The following WBP1L variants were observed in gnomAD, a reference collection of about 807,000 sequenced individuals.
The protein encoded by WBP1L is WW domain binding protein 1-like.
A neutral mutation model predicts 33.7 loss-of-function variants in WBP1L; 17 were observed. The observed-to-expected ratio is 0.50, with a 90% CI of 0.34 to 0.76. The LOEUF (loss-of-function observed/expected upper bound fraction) is 0.76. WBP1L is among the 30% of genes least tolerant of loss of function. The probability of loss-of-function intolerance (pLI) is 0.01; values close to 1 mark genes in which losing one functional copy is unlikely to be tolerated. For synonymous variants in WBP1L, 173 were observed against 190.8 expected (o/e 0.91, Z 0.77); for missense variants, 389 against 469.4 (o/e 0.83, Z 1.58).
rs116845028 is a variant in WBP1L, at chr10:102,778,716, G to A, written c.91-19277G>A. ...ATTTTCTGTCAGACAGTGTAACTATGTTCTTTATTGGAGCCATGTAGCCTT... is the reference window on the plus strand; with the variant it reads ...ATTTTCTGTCAGACAGTGTAACTATATTCTTTATTGGAGCCATGTAGCCTT... On this transcript the variant is annotated intron_variant, in intron 1 of 3. Coordinates refer to ENST00000448841, the MANE Select transcript of WBP1L (RefSeq NM_001083913.2). Among the ~76,000 whole-genome samples, 52 of 152,284 alleles carry A rather than the reference G, an allele frequency of 3.4e-4. 1 individual carries two copies. The East Asian group carries it at 9.8e-3, about 29-fold the overall frequency.
At chr10:102,752,539 C>G (rs1013943533) in intron 1 of WBP1L, among the ~76,000 whole-genome samples, 4 of 152,086 alleles carry the variant, frequency 2.6e-5, no homozygotes, top group Non-Finnish European at 4.4e-5. Context: ...CTTATTTACC[C>G]CATCTTGAAC....
intron 1 of WBP1L, among the ~76,000 whole-genome samples, chr10:102,760,654 C>T (rs1033965593): frequency 2.6e-5 from 4 of 152,024 alleles, no homozygotes; most frequent in Admixed American, 2.6e-4. Flanking sequence ...GGATTACAGG[C>T]GTGAGCCACC....
At chr10:102,754,548 G>C (rs2134027182) in intron 1 of WBP1L, among the ~76,000 whole-genome samples, 1 of 149,150 alleles carries the variant, frequency 6.7e-6, no homozygotes, top group East Asian at 2.0e-4. Context: ...ACAGGCATGT[G>C]CCACCATGCC....
At chr10:102,790,509 C>CTTTATT (rs1843480339) in intron 1 of WBP1L, among the ~76,000 whole-genome samples, 1 of 151,756 alleles carries the variant, frequency 6.6e-6, no homozygotes, top group African/African-American at 2.4e-5. Flanking sequence ...TTCAACAGAA[C>CTTTATT]TTTATTTTTA....
chr10:102,759,445 A>T (rs957413368), intron 1 of WBP1L, among the ~76,000 whole-genome samples: 13 of 152,194 alleles, frequency 8.5e-5, no homozygotes, highest in African/African-American at 3.1e-4. Flanking sequence ...TTGTATTATG[A>T]CTATTCTTAT....
chr10:102,751,035 CTG>C (rs1485521108), intron 1 of WBP1L, among the ~76,000 whole-genome samples: 17 of 152,238 alleles, frequency 1.1e-4, no homozygotes, highest in African/African-American at 4.1e-4. Flanking sequence ...GAGTCTCACT[CTG>C]TCACCCAGGC....
chr10:102,748,888 A>C (rs1342184986), intron 1 of WBP1L, among the ~76,000 whole-genome samples: 2 of 152,260 alleles, frequency 1.3e-5, no homozygotes, highest in East Asian at 3.8e-4. Flanking sequence ...AAAGGTTGAT[A>C]AGCATGGGTA....
intron 1 of WBP1L, among the ~76,000 whole-genome samples, chr10:102,797,349 G>A (rs183536395): frequency 2.0e-5 from 3 of 152,110 alleles, no homozygotes; most frequent in Non-Finnish European, 4.4e-5. Flanking sequence ...CCCTCCTACC[G>A]GCTGAGGTTA....
In WBP1L at chr10:102,769,356, C is replaced by CT. The variant is rs376863934; in HGVS notation, c.90+25216dup. 4.8e-3 allele frequency among the ~76,000 whole-genome samples: 640 copies of CT among 134,658 alleles called. 9 individuals carry two copies. The highest frequency in any genetic ancestry group is 9.8e-3 in the African/African-American group (375 of 38,340). The allele number at this position is 134,658 out of a possible 152,430, so 88.3% of individuals were successfully genotyped here. On this transcript the variant is annotated intron_variant, in intron 1 of 3. Coordinates refer to ENST00000448841, the MANE Select transcript of WBP1L (RefSeq NM_001083913.2). ...GCATCCCTTCTTTGTTTTCTTTTTT[C>CT]TTTCTTTTTTTTTTTTTTACTGGAA...
intron 1 of WBP1L, among the ~76,000 whole-genome samples, chr10:102,788,980 G>A (rs1843458946): frequency 6.6e-6 from 1 of 152,086 alleles, no homozygotes; most frequent in Non-Finnish European, 1.5e-5. Flanking sequence ...TTTTTACTGA[G>A]ACGGAGTCTT....
At chr10:102,803,792 T>G (rs1843692877) in intron 2 of WBP1L, 1 of 152,236 alleles carries the variant, frequency 6.6e-6, no homozygotes, top group Admixed American at 6.5e-5. Context: ...GTATTTTTAG[T>G]GGAGACGAGG....
At chr10:102,771,373 A>G (rs769079082) in intron 1 of WBP1L, among the ~76,000 whole-genome samples, 9 of 152,104 alleles carry the variant, frequency 5.9e-5, no homozygotes, top group Non-Finnish European at 1.2e-4. Context: ...CTTGGGTAAC[A>G]TAGCAAGACT....
At chr10:102,755,572 A>T (rs1842965316) in intron 1 of WBP1L, among the ~76,000 whole-genome samples, 1 of 149,956 alleles carries the variant, frequency 6.7e-6, no homozygotes, top group South Asian at 2.1e-4. Flanking sequence ...TTGTATTTTT[A>T]TTAGAGATCG....
In WBP1L at chr10:102,810,053, C is replaced by T. The variant is rs1354350234; in HGVS notation, c.354C>T (p.Phe118=). 1 of 1,608,814 alleles carries T rather than the reference C, an allele frequency of 6.2e-7. No homozygotes were observed. The highest frequency in any genetic ancestry group is 2.2e-5 in the East Asian group (1 of 44,878). ...ATTACTCAGCGCTGCCATTTTATTT[C>T]AGTACGTACACCCAAGCCCCCATAC... is the stretch of plus-strand genomic sequence containing the variant. ...AHNYSALPFY[F]RFLPNYLLPP... The change falls in exon 3 of 4, where the codon TTC becomes TTT. Residue 118 remains phenylalanine, a splice_region_variant and synonymous_variant. Transcript: ENST00000448841.
chr10:102,790,559 G>A (rs1325970134), intron 1 of WBP1L, among the ~76,000 whole-genome samples: 1 of 152,034 alleles, frequency 6.6e-6, no homozygotes, highest in Admixed American at 6.6e-5. Flanking sequence ...CGCCCAGGCT[G>A]GAGTACAATG....
chr10:102,769,558 C>T (rs1269167916), intron 1 of WBP1L, among the ~76,000 whole-genome samples: 1 of 152,160 alleles, frequency 6.6e-6, no homozygotes, highest in Non-Finnish European at 1.5e-5. Context: ...CCCCACAGCA[C>T]ATCCTGGGTG....
At chr10:102,763,843 T>C (rs1221098190) in intron 1 of WBP1L, among the ~76,000 whole-genome samples, 1 of 152,192 alleles carries the variant, frequency 6.6e-6, no homozygotes, top group East Asian at 1.9e-4. Flanking sequence ...AGACAGAGTC[T>C]CGCTCTGTCA....
At chr10:102,784,340 A>T (rs549175913) in intron 1 of WBP1L, among the ~76,000 whole-genome samples, 1 of 149,534 alleles carries the variant, frequency 6.7e-6, no homozygotes, top group Non-Finnish European at 1.5e-5. Flanking sequence ...TAACACCCCC[A>T]CTCCCCCAAG....
At chr10:102,792,592 CTTTT>C (rs11368357) in intron 1 of WBP1L, among the ~76,000 whole-genome samples, 3 of 103,578 alleles carry the variant, frequency 2.9e-5, no homozygotes, top group Non-Finnish European at 4.0e-5. Flanking sequence ...TTTTTCTTTT[CTTTT>C]TTTTTTTTTT....
Sources: allele counts gnomAD v4.1 joint callset (sites outside exome capture counted in the v4.1 genomes callset), GRCh38; gene constraint gnomAD v4.1.1; transcripts MANE v1.5; gene names NCBI Gene and HGNC (gene_info 2026-07-23, HGNC 2026-07-21).